The following SYTL3 variants were observed in gnomAD, a reference collection of about 807,000 sequenced individuals.
The protein encoded by SYTL3 is synaptotagmin-like protein 3.
In SYTL3, 88 loss-of-function variants were observed where a neutral mutation model predicts 82.1. That is an observed-to-expected ratio of 1.07 (90% confidence interval 0.90 to 1.28). The LOEUF (loss-of-function observed/expected upper bound fraction) is 1.28, where lower values mean the gene tolerates loss of function less well. Among genes scored for constraint, SYTL3 ranks in the 50% most tolerant of loss-of-function variants. SYTL3 has a pLI of 0.00. For synonymous variants in SYTL3, 311 were observed against 289.4 expected (o/e 1.07, Z -0.76); for missense variants, 831 against 757.6 (o/e 1.10, Z -1.14).
At position 158,707,226 on chromosome 6, in the gene SYTL3, G is replaced by C. The variant is rs574189044; in HGVS notation, c.395-4G>C. The C allele has an allele frequency of 1.2e-6, 2 of 1,613,494 alleles. No homozygotes were observed. Among genetic ancestry groups the C allele is most frequent in the Non-Finnish European group, 1.7e-6 (2 of 1,179,984 alleles). Reference sequence around the variant, plus strand: ...TAAACGCCCTCTATGGATATCTCTCGCAGGCAAACATGAGACAGTTGGAGG... The same window carrying C: ...TAAACGCCCTCTATGGATATCTCTCCCAGGCAAACATGAGACAGTTGGAGG... On this transcript the variant is annotated splice_region_variant and splice_polypyrimidine_tract_variant and intron_variant, in intron 6 of 17. Coordinates refer to ENST00000611299, the MANE Select transcript of SYTL3 (RefSeq NM_001242394.2).
At position 158,685,454 on chromosome 6, in the gene SYTL3, C is replaced by T. The variant is rs1253090085; in HGVS notation, c.394+2465C>T. The stretch of plus-strand genomic sequence containing the variant: ...AACTCCTGACCTCAAGTGATCTGCC[C>T]ACCTTGGCCTCCCAAAGTGCTGGGA... On this transcript the variant is annotated intron_variant, in intron 6 of 17. Transcript: ENST00000611299. 2.6e-5 allele frequency among the ~76,000 whole-genome samples: 4 copies of T among 152,156 alleles called. No individual in the cohort carries two copies. In the East Asian group the frequency reaches 7.8e-4, roughly 30 times the overall value.
chr6:158,723,547 A>G (rs1310119843), intron 10 of SYTL3, among the ~76,000 whole-genome samples: 1 of 152,116 alleles, frequency 6.6e-6, no homozygotes, highest in Non-Finnish European at 1.5e-5. Context: ...AGTAAAATAC[A>G]CATAAGACTT....
Position 158,763,310 on chromosome 6 carries a change from C to G in SYTL3, c.1524C>G (p.Leu508=), listed in dbSNP as rs1790252884. The G allele has an allele frequency of 6.2e-7, 1 of 1,614,040 alleles. No individual in the cohort carries two copies. Among genetic ancestry groups the G allele is most frequent in the African/African-American group, 1.3e-5 (1 of 74,940 alleles). The change falls in exon 17 of 18, where the codon CTC becomes CTG. Residue 508 remains leucine, a synonymous_variant. Coordinates refer to ENST00000611299, the MANE Select transcript of SYTL3 (RefSeq NM_001242394.2). The stretch of plus-strand genomic sequence containing the variant: ...GTTTGTGTTCCCTCTTCAGCTGTCT[C>G]ACTCTGCCAGACCAACAAAAACTGA... The part of the protein sequence containing the change: ...GTLNSFVKGC[L]TLPDQQKLRL...
rs770463652 is a variant in SYTL3, at chr6:158,663,348, C to T, written c.80C>T (p.Ala27Val). 1.1e-5 allele frequency: 18 copies of T among 1,613,844 alleles called. No individual in the cohort carries two copies. The Admixed American group carries it at 1.5e-4, about 13-fold the overall frequency. The change falls in exon 4 of 18, where the codon GCG (alanine) becomes GTG (valine). Residue 27 changes from alanine to valine, a missense_variant. Ala to Val is a moderately conservative substitution (Grantham distance 64). Transcript: ENST00000611299. ...AILQVLYRDQ[A>V]VQNTEEERTR... is the part of the protein sequence containing the mutation. Reference sequence around the variant, plus strand: ...CTCCAGGTCCTGTACCGAGACCAGGCGGTTCAAAACACAGAGGAGGAGAGG... The same window carrying T: ...CTCCAGGTCCTGTACCGAGACCAGGTGGTTCAAAACACAGAGGAGGAGAGG...
In SYTL3 at chr6:158,681,071, A is replaced by G. The variant is rs184852760; in HGVS notation, c.330-1854A>G. On this transcript the variant is annotated intron_variant, in intron 5 of 17. Coordinates refer to ENST00000611299, the MANE Select transcript of SYTL3 (RefSeq NM_001242394.2). Reference sequence around the variant, plus strand: ...TTTATTTCAGTCAATACTGTAATTTATAGAAGAGAATCAGTCATGAGTTGA... The same window carrying G: ...TTTATTTCAGTCAATACTGTAATTTGTAGAAGAGAATCAGTCATGAGTTGA... Among the ~76,000 whole-genome samples, 7 of 152,382 alleles carry G rather than the reference A, an allele frequency of 4.6e-5. No individual in the cohort carries two copies. The East Asian group carries it at 1.2e-3, about 25-fold the overall frequency.
intron 14 of SYTL3, 142 bp from the exon 15 acceptor site, chr6:158,760,498 G>A: frequency 3.0e-6 from 2 of 662,434 alleles, no homozygotes; most frequent in Non-Finnish European, 5.4e-6. Flanking sequence ...GACCAGTCCT[G>A]CCACGGACAC....
In SYTL3 at chr6:158,651,732, G is replaced by A. The variant is rs1043074076; in HGVS notation, c.-726-21G>A. The A allele has an allele frequency of 2.6e-5, 4 of 151,556 alleles. No individual in the cohort carries two copies. The South Asian group carries it at 8.3e-4, about 31-fold the overall frequency. 9.4% of individuals were successfully genotyped at this position (151,556 alleles called of 1,614,324 possible). A position where few individuals can be genotyped will look rare whatever the true frequency, so the allele number is the denominator to read the frequency against. ...TTCTGATTCTAAAGTAATATTTTTTGTTGTTTTTGGGTGGTAAAAGGCTCC... is the reference window on the plus strand; with the variant it reads ...TTCTGATTCTAAAGTAATATTTTTTATTGTTTTTGGGTGGTAAAAGGCTCC... On this transcript the variant is annotated intron_variant, in intron 1 of 17. Coordinates refer to ENST00000611299, the MANE Select transcript of SYTL3 (RefSeq NM_001242394.2).
rs749722999 is a variant in SYTL3, at chr6:158,760,711, T to C, written c.1380T>C (p.Pro460=). 5 of 1,614,110 alleles carry C rather than the reference T, an allele frequency of 3.1e-6. No homozygotes were observed. Among genetic ancestry groups the C allele is most frequent in the South Asian group, 1.1e-5 (1 of 91,076 alleles). ...ELTVRAKLVL[P]SRPRKLQEAQ... ...CAGTCCGGGCTAAGCTGGTTCTCCC[T>C]TCACGGCCCAGAAAACTCCAAGAGG... Residue 460 remains proline (P), a synonymous_variant, in exon 15 of 18, where the codon CCT becomes CCC. Coordinates refer to ENST00000611299, the MANE Select transcript of SYTL3 (RefSeq NM_001242394.2).
intron 11 of SYTL3, among the ~76,000 whole-genome samples, chr6:158,737,057 C>T (rs995181052): frequency 1.2e-4 from 18 of 145,852 alleles, no homozygotes; most frequent in Non-Finnish European, 2.3e-4. Flanking sequence ...AAAAAAACAA[C>T]GAAAAATCAA....
intron 12 of SYTL3, 104 bp downstream of exon 12, chr6:158,745,762 C>CA: frequency 1.3e-6 from 1 of 774,104 alleles, no homozygotes; most frequent in Non-Finnish European, 1.9e-6. Flanking sequence ...AAAAAAAAAA[C>CA]AAAATGAAAA....
At chr6:158,658,385 A>G (rs1369072973) in intron 2 of SYTL3, among the ~76,000 whole-genome samples, 2 of 152,226 alleles carry the variant, frequency 1.3e-5, no homozygotes, top group Non-Finnish European at 2.9e-5. Flanking sequence ...AGATGGGGGT[A>G]TGGTACTGCA....
chr6:158,649,581 G>A (rs1335987318), upstream of SYTL3, among the ~76,000 whole-genome samples: 4 of 152,252 alleles, frequency 2.6e-5, no homozygotes, highest in African/African-American at 9.6e-5. Context: ...TACACGCACA[G>A]CATTTTGAAG....
intron 7 of SYTL3, among the ~76,000 whole-genome samples, chr6:158,707,999 C>T (rs1054619974): frequency 1.3e-5 from 2 of 152,158 alleles, no homozygotes; most frequent in African/African-American, 2.4e-5. Context: ...AACACGGGAG[C>T]GCAGATGGGA....
intron 11 of SYTL3, among the ~76,000 whole-genome samples, chr6:158,727,079 T>C (rs988134487): frequency 2.6e-5 from 4 of 152,146 alleles, no homozygotes; most frequent in African/African-American, 9.6e-5. Flanking sequence ...CTCGATCTCC[T>C]GACCTCGTGA....
upstream of SYTL3, among the ~76,000 whole-genome samples, chr6:158,649,677 T>G (rs2128341757): frequency 6.6e-6 from 1 of 152,336 alleles, no homozygotes; most frequent in East Asian, 1.9e-4. Flanking sequence ...AGTTAATAGC[T>G]GTTCTTTGAG....
At chr6:158,752,802 G>A (rs1019298392) in intron 13 of SYTL3, among the ~76,000 whole-genome samples, 1 of 152,220 alleles carries the variant, frequency 6.6e-6, no homozygotes, top group Non-Finnish European at 1.5e-5. Flanking sequence ...AGTAGGGGGT[G>A]TCTGTGAGCT....
intron 2 of SYTL3, among the ~76,000 whole-genome samples, chr6:158,655,015 G>A (rs1289908428): frequency 6.6e-6 from 1 of 152,210 alleles, no homozygotes; most frequent in African/African-American, 2.4e-5. Context: ...TGAGGACGGT[G>A]CCTGACTCAG....
intron 5 of SYTL3, among the ~76,000 whole-genome samples, chr6:158,677,030 A>G (rs2128395835): frequency 6.6e-6 from 1 of 152,322 alleles, no homozygotes; most frequent in Non-Finnish European, 1.5e-5. Context: ...TAGAAATACC[A>G]TTTGACCCAG....
chr6:158,761,517 C>T (rs977184466), intron 15 of SYTL3, among the ~76,000 whole-genome samples: 2 of 151,860 alleles, frequency 1.3e-5, no homozygotes, highest in Non-Finnish European at 2.9e-5. Context: ...ACCATGTTAG[C>T]CAGGATGGTC....
Sources: gnomAD v4.1 joint callset for allele counts (sites outside exome capture counted in the v4.1 genomes callset) on GRCh38, gnomAD v4.1.1 for gene constraint, MANE v1.5 for transcripts, NCBI Gene and HGNC (gene_info 2026-07-23, HGNC 2026-07-21) for gene names.